EPB41L4A: variants seen among roughly 807,000 people sequenced by gnomAD.
The protein encoded by EPB41L4A is erythrocyte membrane protein band 4.1 like 4A.
In EPB41L4A, 100 loss-of-function variants were observed where a neutral mutation model predicts 108.6. The observed-to-expected ratio is 0.92, with a 90% CI of 0.78 to 1.09. EPB41L4A has a LOEUF of 1.09. EPB41L4A is among the 50% of genes least tolerant of loss of function. EPB41L4A has a pLI of 0.00. For synonymous variants in EPB41L4A, 319 were observed against 289.0 expected (o/e 1.10, Z -1.05); for missense variants, 1,030 against 842.7 (o/e 1.22, Z -2.75).
chr5:112,184,815 C>T (rs1216480741), intron 17 of EPB41L4A, among the ~76,000 whole-genome samples: 8 of 152,134 alleles, frequency 5.3e-5, no homozygotes, highest in South Asian at 2.1e-4. Context: ...TGTAAGATCA[C>T]AAGACAGTGT....
At chr5:112,309,774 G>A (rs78503926) in intron 1 of EPB41L4A, among the ~76,000 whole-genome samples, 3,209 of 152,246 alleles carry the variant, frequency 0.021, 123 homozygotes, top group African/African-American at 0.072. Context: ...CCAGCAGAAG[G>A]GAAAAGCAGG....
At chr5:112,296,171 G>T (rs1753973616) in intron 2 of EPB41L4A, among the ~76,000 whole-genome samples, 1 of 152,034 alleles carries the variant, frequency 6.6e-6, no homozygotes, top group Admixed American at 6.6e-5. Context: ...TATATAATTA[G>T]ATAAAAGCAC....
chr5:112,290,413 G>C (rs986340712), intron 2 of EPB41L4A, among the ~76,000 whole-genome samples: 3 of 152,076 alleles, frequency 2.0e-5, no homozygotes, highest in Admixed American at 2.0e-4. Flanking sequence ...AATCTCTTAG[G>C]ACCAGGGCAC....
At position 112,209,995 on chromosome 5, in the gene EPB41L4A, G is replaced by A. The variant is rs774851638; in HGVS notation, c.1088-13C>T. The A allele has an allele frequency of 6.3e-6, 9 of 1,438,758 alleles. No homozygotes were observed. The highest frequency in any genetic ancestry group is 8.7e-6 in the Non-Finnish European group (9 of 1,030,806). 89.1% of individuals were successfully genotyped at this position (1,438,758 alleles called of 1,614,324 possible). A position where few individuals can be genotyped will look rare whatever the true frequency, so the allele number is the denominator to read the frequency against. On this transcript the variant is annotated splice_polypyrimidine_tract_variant and intron_variant, in intron 12 of 22. Coordinates refer to ENST00000261486, the MANE Select transcript of EPB41L4A (RefSeq NM_022140.5). ...ATGCTGTTTGATTCTAGCAGAGGAG[G>A]AGAAGGAAAGATGGAAGAGAGAGGA... is the stretch of plus-strand genomic sequence containing the variant.
rs546845828 is a variant in EPB41L4A at position 112,256,563 on chromosome 5, T to C, written c.795+2666A>G. ...ATCAAAAACCAGTTAGAAGAGATAA[T>C]AGAAAGAAAAGATTGCATCCACAAT... On this transcript the variant is annotated intron_variant, in intron 9 of 22. Transcript: ENST00000261486. Among the ~76,000 whole-genome samples the C allele has an allele frequency of 2.6e-4, 39 of 151,620 alleles. 1 individual carries two copies. The South Asian group carries it at 8.1e-3, about 32-fold the overall frequency.
intron 1 of EPB41L4A, among the ~76,000 whole-genome samples, chr5:112,329,737 A>C (rs1472369740): frequency 6.6e-6 from 1 of 152,070 alleles, no homozygotes; most frequent in East Asian, 1.9e-4. Flanking sequence ...TCTCTACAGG[A>C]AAAAGGGGGT....
At chr5:112,328,769 T>C (rs1019028428) in intron 1 of EPB41L4A, among the ~76,000 whole-genome samples, 4 of 152,238 alleles carry the variant, frequency 2.6e-5, no homozygotes, top group African/African-American at 7.2e-5. Flanking sequence ...AACTTCTCAA[T>C]TCCTTGCATT....
At chr5:112,341,782 A>G (rs1202283626) in intron 1 of EPB41L4A, among the ~76,000 whole-genome samples, 1 of 151,990 alleles carries the variant, frequency 6.6e-6, no homozygotes, top group Non-Finnish European at 1.5e-5. Context: ...ACACATACAC[A>G]CACACCCCAA....
At chr5:112,259,328 TA>T in intron 8 of EPB41L4A, 36 bp from the exon 9 acceptor site, 2 of 1,577,340 alleles carry the variant, frequency 1.3e-6, no homozygotes, top group Non-Finnish European at 1.7e-6. Context: ...CTGCTGTTTT[TA>T]AGTATTAACC....
chr5:112,186,930 T>C (rs1761458918), intron 17 of EPB41L4A, among the ~76,000 whole-genome samples: 1 of 152,190 alleles, frequency 6.6e-6, no homozygotes, highest in South Asian at 2.1e-4. Flanking sequence ...AATAAAGAAA[T>C]CTTTAAATGA....
chr5:112,209,437 T>G (rs1762624609), intron 13 of EPB41L4A, among the ~76,000 whole-genome samples: 1 of 152,250 alleles, frequency 6.6e-6, no homozygotes, highest in African/African-American at 2.4e-5. Context: ...TTCATACATA[T>G]GCAATCACTG....
intron 1 of EPB41L4A, among the ~76,000 whole-genome samples, chr5:112,339,487 T>TAG (rs1757136319): frequency 6.9e-5 from 2 of 28,906 alleles, no homozygotes; most frequent in Non-Finnish European, 1.8e-4. Flanking sequence ...TATATATATA[T>TAG]ATATATATCT....
intron 12 of EPB41L4A, among the ~76,000 whole-genome samples, chr5:112,151,344 T>A (rs1428715240): frequency 1.3e-5 from 2 of 149,954 alleles, no homozygotes; most frequent in African/African-American, 4.9e-5. Flanking sequence ...ATTTCTAAGG[T>A]CCTTGTTTTT....
chr5:112,264,881 T>C lies in EPB41L4A; in HGVS notation c.554+15A>G, dbSNP rs527697819. On this transcript the variant is annotated intron_variant, in intron 6 of 22. Transcript: ENST00000261486. The stretch of plus-strand genomic sequence containing the variant: ...TGATGGATGATGCAATAAGACATGG[T>C]GTAATGATTCTTACATTAGAGTTTT... 2.5e-6 allele frequency: 4 copies of C among 1,605,760 alleles called. 1 individual carries two copies. The highest frequency in any genetic ancestry group is 1.7e-5 in the Admixed American group (1 of 58,092).
rs1457609780 is a variant in EPB41L4A at position 112,266,149 on chromosome 5, A to C, written c.433+84T>G. On this transcript the variant is annotated intron_variant, in intron 5 of 22. Coordinates refer to ENST00000261486, the MANE Select transcript of EPB41L4A (RefSeq NM_022140.5). ...TTTGCAAAATCTCATGGATAAGAAG[A>C]GTTTTAGTATGTAAACTCCCTTTTA... 5.4e-6 allele frequency: 5 copies of C among 928,190 alleles called. No homozygotes were observed. In the East Asian group the frequency reaches 1.4e-4, roughly 25 times the overall value. The allele number at this position is 928,190 out of a possible 1,614,324, so 57.5% of individuals were successfully genotyped here. A position where few individuals can be genotyped will look rare whatever the true frequency, so the allele number is the denominator to read the frequency against.
intron 1 of EPB41L4A, among the ~76,000 whole-genome samples, chr5:112,322,359 T>C (rs1412634243): frequency 6.6e-6 from 1 of 152,176 alleles, no homozygotes; most frequent in Non-Finnish European, 1.5e-5. Context: ...CATGCACTCA[T>C]ATTTTACTGG....
At chr5:112,220,051 A>C (rs982140171) in intron 12 of EPB41L4A, among the ~76,000 whole-genome samples, 3 of 152,234 alleles carry the variant, frequency 2.0e-5, no homozygotes, top group Non-Finnish European at 4.4e-5. Flanking sequence ...TAATGATTAC[A>C]TGTATCAAAT....
rs541905725 is a variant in EPB41L4A at position 112,322,867 on chromosome 5, G to A, written c.100-15377C>T. Among the ~76,000 whole-genome samples the A allele has an allele frequency of 1.3e-3, 205 of 151,998 alleles. 1 individual carries two copies. The highest frequency in any genetic ancestry group is 2.1e-3 in the Non-Finnish European group (142 of 67,976). Reference sequence around the variant, plus strand: ...ATAACAACCCATGTAAGGGGTCTCCGCAACTTGAATGAGAGAGACCAAGAT... The same window carrying A: ...ATAACAACCCATGTAAGGGGTCTCCACAACTTGAATGAGAGAGACCAAGAT... On this transcript the variant is annotated intron_variant, in intron 1 of 22. Coordinates refer to ENST00000261486, the MANE Select transcript of EPB41L4A (RefSeq NM_022140.5).
chr5:112,239,775 A>C (rs992405662), intron 10 of EPB41L4A, 38 bp from the exon 11 acceptor site: 2 of 1,449,518 alleles, frequency 1.4e-6, no homozygotes, highest in African/African-American at 1.4e-5. Flanking sequence ...CAAAGACTCA[A>C]TGTTATAGGC....
Sources: allele counts gnomAD v4.1 joint callset (sites outside exome capture counted in the v4.1 genomes callset), GRCh38; gene constraint gnomAD v4.1.1; transcripts MANE v1.5; gene names NCBI Gene and HGNC (gene_info 2026-07-23, HGNC 2026-07-21).